The following GNA12 variants were observed in gnomAD, a reference collection of about 807,000 sequenced individuals.
GNA12 encodes the protein guanine nucleotide-binding protein subunit alpha-12.
In GNA12, 9 loss-of-function variants were observed where a neutral mutation model predicts 26.0. The ratio of observed to expected loss-of-function variants is 0.35; its 90% CI spans 0.21 to 0.60. The LOEUF is 0.60. GNA12 is among the 20% of genes least tolerant of loss of function. GNA12 has a pLI of 0.78. For missense variants in GNA12, 405 were observed against 525.8 expected, an observed-to-expected ratio of 0.77 and a Z score of 2.25; for synonymous variants, 264 against 219.6, an observed-to-expected ratio of 1.20 and a Z score of -1.79.
chr7:2,818,259 G>A (rs1438625805), intron 1 of GNA12, among the ~76,000 whole-genome samples: 1 of 152,154 alleles, frequency 6.6e-6, no homozygotes, highest in African/African-American at 2.4e-5. Context: ...TGGGGGCTGG[G>A]GAATTCTGTT....
intron 2 of GNA12, among the ~76,000 whole-genome samples, chr7:2,745,930 T>C (rs1197208766): frequency 6.6e-6 from 1 of 152,108 alleles, no homozygotes; most frequent in Non-Finnish European, 1.5e-5. Flanking sequence ...AGAAGGCCAT[T>C]ACATAATGGT....
At chr7:2,814,307 C>T (rs1466419948) in intron 1 of GNA12, 4 of 1,512,990 alleles carry the variant, frequency 2.6e-6, no homozygotes, top group Non-Finnish European at 3.7e-6. Flanking sequence ...CGGAGTGAGA[C>T]TCACCCTGGA....
intron 2 of GNA12, among the ~76,000 whole-genome samples, chr7:2,771,418 A>C (rs899812870): frequency 6.6e-6 from 1 of 151,798 alleles, no homozygotes; most frequent in Non-Finnish European, 1.5e-5. Context: ...GCAAACACCC[A>C]AACAACTCCC....
chr7:2,829,146 T>C (rs1017498155), intron 1 of GNA12, among the ~76,000 whole-genome samples: 1 of 151,876 alleles, frequency 6.6e-6, no homozygotes, highest in African/African-American at 2.4e-5. Context: ...CTCACCTCCA[T>C]GAGAGCAGAG....
At chr7:2,793,495 G>A (rs936960484) in intron 2 of GNA12, among the ~76,000 whole-genome samples, 11 of 152,132 alleles carry the variant, frequency 7.2e-5, no homozygotes, top group African/African-American at 2.7e-4. Flanking sequence ...AGAATATAAG[G>A]AAATTGAACT....
intron 2 of GNA12, among the ~76,000 whole-genome samples, chr7:2,744,808 G>C (rs994300624): frequency 6.6e-6 from 1 of 152,180 alleles, no homozygotes; most frequent in African/African-American, 2.4e-5. Flanking sequence ...AATAACCAAT[G>C]CAGAGAAGTC....
chr7:2,737,269 GTTTTGTTTTTTTTTTT>G (rs1407244658), intron 2 of GNA12, among the ~76,000 whole-genome samples: 6 of 38,112 alleles, frequency 1.6e-4, no homozygotes, highest in Non-Finnish European at 3.2e-4. Context: ...TCACAGTTTT[GTTTTGTTTTTTTTTTT>G]TTTGTTTTTT....
intron 2 of GNA12, among the ~76,000 whole-genome samples, chr7:2,794,038 C>T (rs1474775117): frequency 6.6e-6 from 1 of 152,136 alleles, no homozygotes; most frequent in Non-Finnish European, 1.5e-5. Context: ...TGCTATGTGC[C>T]TCGCCTGATG....
chr7:2,761,929 G>A (rs879393236), intron 2 of GNA12, among the ~76,000 whole-genome samples: 3 of 152,138 alleles, frequency 2.0e-5, no homozygotes, highest in Non-Finnish European at 4.4e-5. Context: ...ATGTCCAAAT[G>A]TAAGGGAAAA....
intron 1 of GNA12, among the ~76,000 whole-genome samples, chr7:2,801,552 C>A (rs1792809730): frequency 6.6e-6 from 1 of 152,224 alleles, no homozygotes; most frequent in South Asian, 2.1e-4. Context: ...TCCAAATGAA[C>A]TGCACCCAAC....
chr7:2,821,737 A>T (rs1238781711), intron 1 of GNA12, among the ~76,000 whole-genome samples: 2 of 152,234 alleles, frequency 1.3e-5, no homozygotes, highest in Non-Finnish European at 2.9e-5. Flanking sequence ...TCTAGTAGCA[A>T]AGGGCTAGTT....
intron 1 of GNA12, among the ~76,000 whole-genome samples, chr7:2,821,914 T>C (rs942786893): frequency 3.3e-5 from 5 of 152,194 alleles, no homozygotes; most frequent in African/African-American, 1.2e-4. Context: ...TATTTATGCA[T>C]CCAACAAATA....
chr7:2,786,846 G>C (rs899504312), intron 2 of GNA12, among the ~76,000 whole-genome samples: 5 of 152,124 alleles, frequency 3.3e-5, no homozygotes, highest in African/African-American at 1.2e-4. Context: ...TGCCCATCTC[G>C]AGACCTGAAG....
intron 2 of GNA12, among the ~76,000 whole-genome samples, chr7:2,790,282 T>C (rs73049373): frequency 0.022 from 3,353 of 152,298 alleles, 62 homozygotes; most frequent in Non-Finnish European, 0.036. Context: ...GGGTCTCGCT[T>C]TGTTGCCCAG....
intron 2 of GNA12, among the ~76,000 whole-genome samples, chr7:2,735,219 G>A (rs993260996): frequency 6.6e-6 from 1 of 152,188 alleles, no homozygotes; most frequent in African/African-American, 2.4e-5. Context: ...AGCCCAAGAA[G>A]CATCAGCATA....
In GNA12 at chr7:2,844,132, G is replaced by T. The variant is rs2114987430; in HGVS notation, c.30C>A (p.Arg10=). 6.1e-6 allele frequency: 6 copies of T among 987,126 alleles called. No homozygotes were observed. Among genetic ancestry groups the T allele is most frequent in the Non-Finnish European group, 7.2e-6 (6 of 832,984 alleles). The allele number at this position is 987,126 out of a possible 1,614,324, so 61.1% of individuals were successfully genotyped here. A position where few individuals can be genotyped will look rare whatever the true frequency, so the allele number is the denominator to read the frequency against. The change falls in exon 1 of 4, where the codon CGC becomes CGA. Residue 10 remains arginine, a synonymous_variant. Transcript: ENST00000275364. The part of the protein sequence containing the change: MSGVVRTLS[R]CLLPAEAGGA... The stretch of plus-strand genomic sequence containing the variant: ...CGCCGGCCTCGGCCGGCAGCAGGCA[G>T]CGGCTGAGGGTCCGCACCACCCCGG...
intron 2 of GNA12, among the ~76,000 whole-genome samples, chr7:2,750,089 A>G (rs57996546): frequency 0.041 from 6,213 of 152,278 alleles, 392 homozygotes; most frequent in African/African-American, 0.14. Context: ...AACTCATAGC[A>G]AGGATGCTAT....
At chr7:2,819,281 C>T (rs1274096724) in intron 1 of GNA12, among the ~76,000 whole-genome samples, 1 of 152,204 alleles carries the variant, frequency 6.6e-6, no homozygotes, top group East Asian at 1.9e-4. Context: ...AACTTGGATG[C>T]CGATGCATTC....
chr7:2,786,264 C>CA (rs1273352047), intron 2 of GNA12, among the ~76,000 whole-genome samples: 2 of 152,038 alleles, frequency 1.3e-5, no homozygotes, highest in African/African-American at 2.4e-5. Flanking sequence ...AGGTGACACA[C>CA]ACAAGGACTA....
Sources: gnomAD v4.1 joint callset for allele counts (sites outside exome capture counted in the v4.1 genomes callset) on GRCh38, gnomAD v4.1.1 for gene constraint, MANE v1.5 for transcripts, NCBI Gene and HGNC (gene_info 2026-07-23, HGNC 2026-07-21) for gene names.